The following OR1J2 variants were observed in gnomAD, a reference collection of about 807,000 sequenced individuals.
OR1J2 encodes the protein olfactory receptor 1J2.
For synonymous variants in OR1J2, 142 were observed against 99.7 expected (o/e 1.42, Z -2.52); for missense variants, 304 against 246.1 (o/e 1.24, Z -1.57).
chr9:122,509,996 G>C (rs955155234), upstream of OR1J2, among the ~76,000 whole-genome samples: 1 of 152,122 alleles, frequency 6.6e-6, no homozygotes, highest in Non-Finnish European at 1.5e-5. Flanking sequence ...GGGCCTGTCG[G>C]GGGGTGCGGG....
the OR1J2 span, among the ~76,000 whole-genome samples, chr9:122,467,587 G>A: frequency 5.9e-5 from 9 of 152,164 alleles, no homozygotes; most frequent in Admixed American, 3.9e-4. Context: ...AATTCATAGT[G>A]TACCTCTTAT....
chr9:122,536,550 T>C, the OR1J2 span, among the ~76,000 whole-genome samples: 3 of 152,234 alleles, frequency 2.0e-5, no homozygotes, highest in Non-Finnish European at 2.9e-5. Flanking sequence ...GACCAAACTT[T>C]AGATAGATAT....
In OR1J2 at chr9:122,511,303, T is replaced by C; in HGVS notation, c.502T>C (p.Phe168Leu). 1.4e-6 allele frequency: 1 copy of C among 732,372 alleles called. No homozygotes were observed. The highest frequency in any genetic ancestry group is 1.5e-5 in the South Asian group (1 of 64,766). The allele number at this position is 732,372 out of a possible 1,614,324, so 45.4% of individuals were successfully genotyped here. A position where few individuals can be genotyped will look rare whatever the true frequency, so the allele number is the denominator to read the frequency against. ...CACCCTTCTCCTGACCCGGCTGTCT[T>C]TCTGTGCTGCGAACACCATCCCCCA... ...SHTLLLTRLS[F>L]CAANTIPHVF... Residue 168 changes from phenylalanine (F) to leucine (L), a missense_variant, in exon 1 of 1, where the codon TTC (phenylalanine) becomes CTC (leucine). Phe to Leu is a conservative substitution (Grantham distance 22). Coordinates refer to ENST00000335302, the MANE Select transcript of OR1J2 (RefSeq NM_054107.1).
chr9:122,551,397 C>A, the OR1J2 span, among the ~76,000 whole-genome samples: 2 of 152,104 alleles, frequency 1.3e-5, no homozygotes, highest in African/African-American at 4.8e-5. Context: ...ATTTAGGTTG[C>A]CTCATTAATT....
the OR1J2 span, among the ~76,000 whole-genome samples, chr9:122,482,190 A>G: frequency 6.6e-6 from 1 of 152,114 alleles, no homozygotes; most frequent in South Asian, 2.1e-4. Flanking sequence ...CAAAAACAAT[A>G]AATTTTAAAA....
chr9:122,546,767 T>C, the OR1J2 span, among the ~76,000 whole-genome samples: 8 of 152,156 alleles, frequency 5.3e-5, no homozygotes, highest in Non-Finnish European at 5.9e-5. Context: ...AATGGAAGAA[T>C]AACGCAAAGC....
the OR1J2 span, chr9:122,568,538 A>C: frequency 1.0e-6 from 1 of 955,052 alleles, no homozygotes; most frequent in South Asian, 1.6e-5. Flanking sequence ...ATTTCATAAC[A>C]CCAATCATGA....
the OR1J2 span, chr9:122,519,382 T>A: frequency 3.1e-6 from 5 of 1,614,196 alleles, no homozygotes; most frequent in Non-Finnish European, 4.2e-6. Context: ...GTCCCAAAGA[T>A]GTTATTAAGC....
chr9:122,522,230 G>A, the OR1J2 span, among the ~76,000 whole-genome samples: 1 of 152,092 alleles, frequency 6.6e-6, no homozygotes, highest in Admixed American at 6.5e-5. Context: ...TTTTTCACAA[G>A]TTAACAAATA....
upstream of OR1J2, among the ~76,000 whole-genome samples, chr9:122,509,537 AGTC>A (rs1247062003): frequency 2.0e-5 from 3 of 152,238 alleles, no homozygotes; most frequent in African/African-American, 4.8e-5. Context: ...TCTCATAGCC[AGTC>A]TGATCTTTAC....
the OR1J2 span, among the ~76,000 whole-genome samples, chr9:122,532,746 G>A: frequency 6.6e-6 from 1 of 152,120 alleles, no homozygotes; most frequent in Admixed American, 6.5e-5. Context: ...ATGATGGTCA[G>A]CCTAAAACAG....
chr9:122,552,753 T>TGA, the OR1J2 span, among the ~76,000 whole-genome samples: 1 of 65,754 alleles, frequency 1.5e-5, no homozygotes, highest in African/African-American at 5.7e-5. Context: ...GGCTTGAGTG[T>TGA]GTGTGTGTGT....
the OR1J2 span, among the ~76,000 whole-genome samples, chr9:122,457,752 G>T: frequency 6.6e-6 from 1 of 151,848 alleles, no homozygotes. Flanking sequence ...TAAAGGGATG[G>T]GAATTAGAAA....
At chr9:122,572,482 T>A in the OR1J2 span, among the ~76,000 whole-genome samples, 1 of 152,076 alleles carries the variant, frequency 6.6e-6, no homozygotes, top group Non-Finnish European at 1.5e-5. Context: ...GAAGAAGGTT[T>A]AGGATATGAA....
chr9:122,563,445 T>A, the OR1J2 span, among the ~76,000 whole-genome samples: 41,452 of 152,122 alleles, frequency 0.27, 5,825 homozygotes, highest in Middle Eastern at 0.34. Flanking sequence ...TCTCCATTTT[T>A]AAAATCATTT....
At chr9:122,562,451 G>A in the OR1J2 span, among the ~76,000 whole-genome samples, 1 of 152,196 alleles carries the variant, frequency 6.6e-6, no homozygotes, top group Non-Finnish European at 1.5e-5. Flanking sequence ...CTGGTGGCAG[G>A]GGCTCTCAAG....
chr9:122,506,185 GATTT>G (rs1828521484), upstream of OR1J2, among the ~76,000 whole-genome samples: 1 of 151,996 alleles, frequency 6.6e-6, no homozygotes, highest in Admixed American at 6.6e-5. Context: ...ACCTCCCTAG[GATTT>G]ATCCAAAGTG....
chr9:122,571,692 G>A, the OR1J2 span, among the ~76,000 whole-genome samples: 1 of 150,700 alleles, frequency 6.6e-6, no homozygotes, highest in African/African-American at 2.5e-5. Flanking sequence ...CTCCAGCCTG[G>A]CGACAGAGCG....
At chr9:122,504,066 A>G in the OR1J2 span, among the ~76,000 whole-genome samples, 8 of 152,200 alleles carry the variant, frequency 5.3e-5, no homozygotes, top group African/African-American at 1.9e-4. Context: ...CTGGGGGCCC[A>G]GGCTACCTGT....
Sources: allele counts gnomAD v4.1 joint callset (sites outside exome capture counted in the v4.1 genomes callset), GRCh38; gene constraint gnomAD v4.1.1; transcripts MANE v1.5; gene names NCBI Gene and HGNC (gene_info 2026-07-23, HGNC 2026-07-21).